The following PXDNL variants were observed in gnomAD, a reference collection of about 807,000 sequenced individuals.
PXDNL encodes the protein peroxidasin like, also known as probable oxidoreductase PXDNL.
PXDNL carries 145 observed loss-of-function variants against 150.8 expected under a neutral mutation model. The observed-to-expected ratio is 0.96, with a 90% CI of 0.84 to 1.10. PXDNL has a LOEUF of 1.10. Ranked by LOEUF, PXDNL falls within the 50% of genes least tolerant of loss-of-function variation. PXDNL has a pLI of 0.00. For synonymous variants in PXDNL, 757 were observed against 725.7 expected (o/e 1.04, Z -0.69); for missense variants, 2,087 against 1,873.9 (o/e 1.11, Z -2.10).
At chr8:51,320,680 T>C in intron 22 of PXDNL, 104 bp downstream of exon 22, 1 of 811,532 alleles carries the variant, frequency 1.2e-6, no homozygotes, top group Non-Finnish European at 2.0e-6. Flanking sequence ...TAGAATCTAT[T>C]GACATAAAAT....
intron 8 of PXDNL, among the ~76,000 whole-genome samples, chr8:51,462,252 T>C (rs1196150074): frequency 6.6e-6 from 1 of 152,178 alleles, no homozygotes; most frequent in Non-Finnish European, 1.5e-5. Context: ...TCAGAGCATC[T>C]TATTACTTCC....
chr8:51,366,120 C>T (rs1806911486), intron 19 of PXDNL, among the ~76,000 whole-genome samples: 1 of 152,130 alleles, frequency 6.6e-6, no homozygotes, highest in Non-Finnish European at 1.5e-5. Flanking sequence ...GAGAGGATGA[C>T]CAAAAGAGGG....
intron 1 of PXDNL, among the ~76,000 whole-genome samples, chr8:51,748,476 G>A (rs2037010183): frequency 6.6e-6 from 1 of 152,164 alleles, no homozygotes; most frequent in South Asian, 2.1e-4. Context: ...AAGGCAGGTG[G>A]GGTGGCACGC....
intron 2 of PXDNL, among the ~76,000 whole-genome samples, chr8:51,640,341 A>C (rs1287365703): frequency 6.6e-6 from 1 of 152,136 alleles, no homozygotes; most frequent in Non-Finnish European, 1.5e-5. Context: ...ATAGTGTTGG[A>C]AGTTCTGGCC....
At chr8:51,443,445 T>C (rs938885786) in intron 12 of PXDNL, among the ~76,000 whole-genome samples, 2 of 152,092 alleles carry the variant, frequency 1.3e-5, no homozygotes, top group African/African-American at 4.8e-5. Context: ...AACAGATGAG[T>C]GGCACCCAAT....
chr8:51,642,042 T>C (rs1028519140), intron 2 of PXDNL, among the ~76,000 whole-genome samples: 3 of 152,104 alleles, frequency 2.0e-5, no homozygotes, highest in Admixed American at 2.0e-4. Context: ...AAGGATGAGT[T>C]CATGTCCTTT....
At chr8:51,732,515 A>G (rs1425020802) in intron 1 of PXDNL, among the ~76,000 whole-genome samples, 2 of 152,128 alleles carry the variant, frequency 1.3e-5, no homozygotes, top group African/African-American at 4.8e-5. Context: ...CCTGTTACCC[A>G]GTTCCAAAGT....
At chr8:51,567,520 CT>C (rs2130580569) in intron 3 of PXDNL, among the ~76,000 whole-genome samples, 1 of 151,930 alleles carries the variant, frequency 6.6e-6, no homozygotes, top group East Asian at 1.9e-4. Flanking sequence ...ATAATACTCT[CT>C]TTATCCCTCA....
intron 19 of PXDNL, among the ~76,000 whole-genome samples, chr8:51,362,093 G>A (rs1381697014): frequency 6.6e-6 from 1 of 151,974 alleles, no homozygotes; most frequent in African/African-American, 2.4e-5. Context: ...TTTTACAAAT[G>A]GCAAATAAAA....
Position 51,444,525 on chromosome 8 carries a change from A to G in PXDNL, c.1525+2479T>C, listed in dbSNP as rs1418156659. On this transcript the variant is annotated intron_variant, in intron 12 of 22. Transcript: ENST00000356297. ...GTATCTGATTCTTCATAGTAAAAAA[A>G]TCACCTAATACCCGAAGGAAATTCA... Among the ~76,000 whole-genome samples, 3 of 152,214 alleles carry G rather than the reference A, an allele frequency of 2.0e-5. No homozygotes were observed. In the East Asian group the frequency reaches 5.8e-4, roughly 29 times the overall value.
rs1810445033 is a variant in PXDNL at position 51,475,141 on chromosome 8, C to T, written c.525G>A (p.Leu175=). The change falls in exon 7 of 23, where the codon TTG becomes TTA. Residue 175 remains leucine (L), a splice_region_variant and synonymous_variant. Transcript: ENST00000356297. ...AAACCAGGGCGTTGGAATCCAGACG[C>T]CTAGGCATGCAGGCAAGAAGTACAA... ...SFSNLDSLKR[L]RLDSNALVCD... is the part of the protein sequence containing the mutation. 3 of 1,610,878 alleles carry T rather than the reference C, an allele frequency of 1.9e-6. No homozygotes were observed. Among genetic ancestry groups the T allele is most frequent in the Non-Finnish European group, 2.5e-6 (3 of 1,177,608 alleles).
chr8:51,555,060 C>T (rs1812572543), intron 4 of PXDNL, among the ~76,000 whole-genome samples: 1 of 152,140 alleles, frequency 6.6e-6, no homozygotes, highest in Non-Finnish European at 1.5e-5. Flanking sequence ...TCATTTTATG[C>T]TGCTATAACA....
Position 51,344,171 on chromosome 8 carries a change from C to T in PXDNL, c.4016+1662G>A, listed in dbSNP as rs540902386. Among the ~76,000 whole-genome samples, 42 of 152,082 alleles carry T rather than the reference C, an allele frequency of 2.8e-4. 1 individual carries two copies. In the South Asian group the frequency reaches 8.3e-3, roughly 30 times the overall value. Reference sequence around the variant, plus strand: ...TCAGGGTGGAGTATAGTGCCGTGATCGTAATTCATGGGAACCTCAAACTCC... The same window carrying T: ...TCAGGGTGGAGTATAGTGCCGTGATTGTAATTCATGGGAACCTCAAACTCC... On this transcript the variant is annotated intron_variant, in intron 20 of 22. Transcript: ENST00000356297.
intron 17 of PXDNL, among the ~76,000 whole-genome samples, chr8:51,404,131 G>C (rs1808362345): frequency 6.6e-6 from 1 of 152,178 alleles, no homozygotes; most frequent in Non-Finnish European, 1.5e-5. Context: ...GCATACCCTT[G>C]GGGTGAGTGT....
intron 1 of PXDNL, among the ~76,000 whole-genome samples, chr8:51,779,980 G>C (rs2037394651): frequency 6.6e-6 from 1 of 152,120 alleles, no homozygotes; most frequent in African/African-American, 2.4e-5. Context: ...GGGAGGCTGA[G>C]GTGTGTGGAT....
intron 17 of PXDNL, among the ~76,000 whole-genome samples, chr8:51,403,100 A>G (rs1227575678): frequency 3.3e-5 from 5 of 150,932 alleles, no homozygotes; most frequent in South Asian, 2.1e-4. Context: ...AAAAAAAAAA[A>G]AAAGAAAAAG....
chr8:51,538,886 T>A (rs1162147888), intron 4 of PXDNL, among the ~76,000 whole-genome samples: 1 of 152,236 alleles, frequency 6.6e-6, no homozygotes, highest in African/African-American at 2.4e-5. Flanking sequence ...ATGTGGTGAA[T>A]AATAATAATG....
rs769306541 is a variant in PXDNL at position 51,372,017 on chromosome 8, G to A, written c.3757C>T (p.Leu1253=). Residue 1253 remains leucine (L), a synonymous_variant, in exon 19 of 23, where the codon CTG becomes TTG. Coordinates refer to ENST00000356297, the MANE Select transcript of PXDNL (RefSeq NM_144651.5). ...AQLTQLKQAS[L]SRVLCDNGDS... is the part of the protein sequence containing the mutation. The stretch of plus-strand genomic sequence containing the variant: ...CCATTGTCACAAAGCACCCGGCTCA[G>A]GGACGCCTGCTTCAGCTGAGTGAGT... 7.4e-6 allele frequency: 12 copies of A among 1,612,394 alleles called. No individual in the cohort carries two copies. Among genetic ancestry groups the A allele is most frequent in the Non-Finnish European group, 1.0e-5 (12 of 1,179,188 alleles).
intron 12 of PXDNL, among the ~76,000 whole-genome samples, chr8:51,428,917 G>C (rs1326163227): frequency 5.4e-5 from 1 of 18,566 alleles, no homozygotes; most frequent in Non-Finnish European, 2.8e-4. Flanking sequence ...GTTATAGACG[G>C]AGAAAATATT....
Sources: allele counts gnomAD v4.1 joint callset (sites outside exome capture counted in the v4.1 genomes callset), GRCh38; gene constraint gnomAD v4.1.1; transcripts MANE v1.5; gene names NCBI Gene and HGNC (gene_info 2026-07-23, HGNC 2026-07-21).